The following MBNL3 variants were observed in gnomAD, a reference collection of about 807,000 sequenced individuals.
MBNL3 encodes the protein muscleblind like splicing regulator 3, also known as muscleblind-like protein 3.
Under a neutral mutation model 24.5 loss-of-function variants are expected in MBNL3, and 6 were observed. The ratio of observed to expected loss-of-function variants is 0.25; its 90% CI spans 0.13 to 0.48. MBNL3 has a LOEUF of 0.48. Among genes scored for constraint, MBNL3 ranks in the 20% least tolerant of loss-of-function variants. The pLI is 0.99. For missense variants in MBNL3, 230 were observed against 293.5 expected (o/e 0.78, Z 1.58); for synonymous variants, 100 against 101.7 (o/e 0.98, Z 0.10).
At chrX:132,405,880 C>CAAAAAAA (rs58288015) in intron 3 of MBNL3, among the ~76,000 whole-genome samples, 1 of 32,854 alleles carries the variant, frequency 3.0e-5, no homozygotes, top group Non-Finnish European at 5.7e-5. Context: ...TCTGTCTCAC[C>CAAAAAAA]AAAAAAAAAA....
rs145748111 is a variant in MBNL3, at chrX:132,381,891, C to T, written c.1053+287G>A. ...GACCAATGAGGAAGCATTTAAGTAA[C>T]ATTAAGTATATACATTTGAGGATTG... On this transcript the variant is annotated intron_variant, in intron 8 of 8. Transcript: ENST00000370853. Among the ~76,000 whole-genome samples, 1,007 of 111,800 alleles carry T rather than the reference C, an allele frequency of 9.0e-3. 13 individuals carry two copies. Among genetic ancestry groups the T allele is most frequent in the African/African-American group, 0.031 (963 of 30,787 alleles).
At chrX:132,486,033 C>T (rs1947990725) in intron 1 of MBNL3, among the ~76,000 whole-genome samples, 1 of 111,753 alleles carries the variant, frequency 8.9e-6, no homozygotes, top group African/African-American at 3.3e-5. Context: ...ATGGCAGTGA[C>T]CATTATCTAA....
Position 132,488,879 on chromosome X carries a change from T to G in MBNL3, c.-732A>C, listed in dbSNP as rs1426576659. On this transcript the variant is annotated 5_prime_UTR_variant, in exon 1 of 9. The change abolishes the stop of an existing upstream ORF in the 5' untranslated region. Coordinates refer to ENST00000370853, the MANE Select transcript of MBNL3 (RefSeq NM_001386889.1). ...ACGCTGCTAGCGCAAACCCAGAGGCTAAGGGGCCCTGCTCTCAGCGGCAGC... is the reference window on the plus strand; with the variant it reads ...ACGCTGCTAGCGCAAACCCAGAGGCGAAGGGGCCCTGCTCTCAGCGGCAGC... 2 of 113,327 alleles carry G rather than the reference T, an allele frequency of 1.8e-5. No individual in the cohort carries two copies. Among genetic ancestry groups the G allele is most frequent in the African/African-American group, 6.4e-5 (2 of 31,207 alleles). 9.3% of individuals were successfully genotyped at this position (113,327 alleles called of 1,213,427 possible).
chrX:132,413,652 C>T (rs1224843367), intron 2 of MBNL3: 5 of 1,043,518 alleles, frequency 4.8e-6, no homozygotes, highest in African/African-American at 1.9e-5. Context: ...ATAGCTCCTC[C>T]CACCAAAAGC....
chrX:132,475,897 T>C (rs1203664986), intron 1 of MBNL3, among the ~76,000 whole-genome samples: 1 of 111,677 alleles, frequency 9.0e-6, no homozygotes, highest in Non-Finnish European at 1.9e-5. Context: ...TTAAATTCTA[T>C]ACCATTATTC....
chrX:132,441,800 T>A lies in MBNL3; in HGVS notation c.-703-1486A>T, dbSNP rs189047711. Among the ~76,000 whole-genome samples the A allele has an allele frequency of 5.4e-5, 6 of 111,715 alleles. No individual in the cohort carries two copies. The East Asian group carries it at 1.7e-3, about 31-fold the overall frequency. On this transcript the variant is annotated intron_variant, in intron 1 of 8. Transcript: ENST00000370853. Reference sequence around the variant, plus strand: ...ATAAAGAAATCCTCCTACATGAATGTTCATAGCAACACTATTCATAATAGC... The same window carrying A: ...ATAAAGAAATCCTCCTACATGAATGATCATAGCAACACTATTCATAATAGC...
chrX:132,475,136 A>C (rs915136223), intron 1 of MBNL3, among the ~76,000 whole-genome samples: 1 of 111,659 alleles, frequency 9.0e-6, no homozygotes, highest in African/African-American at 3.3e-5. Flanking sequence ...AGTTTAATCC[A>C]ATTTTGTTCT....
chrX:132,460,909 G>A (rs1946597201), intron 1 of MBNL3, among the ~76,000 whole-genome samples: 1 of 110,765 alleles, frequency 9.0e-6, no homozygotes, highest in African/African-American at 3.3e-5. Flanking sequence ...CACTCTGTAT[G>A]TCTTTGCGTC....
chrX:132,406,210 A>T lies in MBNL3; in HGVS notation c.342+18T>A. ...GTTGATCTTTATCGGCAATTTTCAAAATATAGCTGCGACTTACAAGTGATG... is the reference window on the plus strand; with the variant it reads ...GTTGATCTTTATCGGCAATTTTCAATATATAGCTGCGACTTACAAGTGATG... On this transcript the variant is annotated intron_variant, in intron 3 of 8. Coordinates refer to ENST00000370853, the MANE Select transcript of MBNL3 (RefSeq NM_001386889.1). 8.3e-7 allele frequency: 1 copy of T among 1,210,629 alleles called. No homozygotes were observed. The highest frequency in any genetic ancestry group is 1.1e-6 in the Non-Finnish European group (1 of 894,793).
At chrX:132,441,113 C>G (rs1411243905) in intron 1 of MBNL3, among the ~76,000 whole-genome samples, 7 of 112,351 alleles carry the variant, frequency 6.2e-5, no homozygotes, top group South Asian at 3.7e-4. Flanking sequence ...CTTATCTACT[C>G]AAGAGCAAAA....
At chrX:132,477,405 C>T (rs1201396340) in intron 1 of MBNL3, among the ~76,000 whole-genome samples, 1 of 111,991 alleles carries the variant, frequency 8.9e-6, no homozygotes, top group African/African-American at 3.2e-5. Context: ...ATCTATAAAG[C>T]CTTATTGTAT....
intron 1 of MBNL3, among the ~76,000 whole-genome samples, chrX:132,484,532 G>C (rs1603274843): frequency 9.0e-6 from 1 of 111,441 alleles, no homozygotes; most frequent in East Asian, 2.8e-4. Context: ...AGAAGCTCAG[G>C]ATTCAAGAAT....
At chrX:132,448,959 T>C (rs948222102) in intron 1 of MBNL3, among the ~76,000 whole-genome samples, 2 of 112,008 alleles carry the variant, frequency 1.8e-5, no homozygotes, top group African/African-American at 6.5e-5. Context: ...TTTGAGTGAG[T>C]TTCTTAATCC....
chrX:132,385,315 A>T (rs760603179), intron 6 of MBNL3, among the ~76,000 whole-genome samples: 12 of 111,888 alleles, frequency 1.1e-4, no homozygotes, highest in Non-Finnish European at 2.3e-4. Flanking sequence ...CTGTAGTATT[A>T]AGAAAAACTA....
In MBNL3 at chrX:132,372,299, T is replaced by G. The variant is rs1933683222; in HGVS notation, c.*7367A>C. Reference sequence around the variant, plus strand: ...TTTCCACCCAAATTATGTGCCTCCATTTTTCACATTATTCCAAATTGTTGT... The same window carrying G: ...TTTCCACCCAAATTATGTGCCTCCAGTTTTCACATTATTCCAAATTGTTGT... On this transcript the variant is annotated 3_prime_UTR_variant, in exon 9 of 9. Transcript: ENST00000370853. The G allele has an allele frequency of 9.1e-6, 1 of 110,099 alleles. No homozygotes were observed. The highest frequency in any genetic ancestry group is 1.9e-5 in the Non-Finnish European group (1 of 52,653). 9.1% of individuals were successfully genotyped at this position (110,099 alleles called of 1,213,427 possible). A position where few individuals can be genotyped will look rare whatever the true frequency, so the allele number is the denominator to read the frequency against.
intron 1 of MBNL3, among the ~76,000 whole-genome samples, chrX:132,474,334 A>T (rs1473562314): frequency 9.0e-6 from 1 of 111,561 alleles, no homozygotes; most frequent in Non-Finnish European, 1.9e-5. Flanking sequence ...TTCATTGAGT[A>T]TGTGCTGTAA....
In MBNL3 at chrX:132,372,878, GTGGA is replaced by G. The variant is rs1463004651; in HGVS notation, c.*6784_*6787del. ...CATTTTTTTTACATATACCATAATTGTGGATGGATTCTATTTAAAGATAAAATTT... is the reference window on the plus strand; with the variant it reads ...CATTTTTTTTACATATACCATAATTGTGGATTCTATTTAAAGATAAAATTT... On this transcript the variant is annotated 3_prime_UTR_variant, in exon 9 of 9. Coordinates refer to ENST00000370853, the MANE Select transcript of MBNL3 (RefSeq NM_001386889.1). 7 of 111,232 alleles carry G rather than the reference GTGGA, an allele frequency of 6.3e-5. No individual in the cohort carries two copies. Among genetic ancestry groups the G allele is most frequent in the Non-Finnish European group, 1.1e-4 (6 of 52,950 alleles). The allele number at this position is 111,232 out of a possible 1,213,427, so 9.2% of individuals were successfully genotyped here. A position where few individuals can be genotyped will look rare whatever the true frequency, so the allele number is the denominator to read the frequency against.
At chrX:132,425,668 T>G (rs1270585394) in intron 2 of MBNL3, among the ~76,000 whole-genome samples, 2 of 111,664 alleles carry the variant, frequency 1.8e-5, no homozygotes, top group Non-Finnish European at 3.8e-5. Flanking sequence ...TTATTAGCAC[T>G]CATTATGCTT....
chrX:132,477,943 A>G (rs1947525955), intron 1 of MBNL3, among the ~76,000 whole-genome samples: 2 of 112,062 alleles, frequency 1.8e-5, no homozygotes, highest in Non-Finnish European at 3.8e-5. Flanking sequence ...CAGAAAAAAT[A>G]GACACCCACA....
Sources: allele counts gnomAD v4.1 joint callset (sites outside exome capture counted in the v4.1 genomes callset), GRCh38; gene constraint gnomAD v4.1.1; transcripts MANE v1.5; gene names NCBI Gene and HGNC (gene_info 2026-07-23, HGNC 2026-07-21).